Variants in FAM53A observed in about 807,000 individuals in gnomAD.
FAM53A encodes protein FAM53A.
FAM53A carries 28 observed loss-of-function variants against 26.6 expected under a neutral mutation model. The observed-to-expected ratio is 1.05, with a 90% CI of 0.78 to 1.45. FAM53A has a LOEUF of 1.45. Among genes scored for constraint, FAM53A ranks in the 40% most tolerant of loss-of-function variants. The pLI, the probability that FAM53A is intolerant of heterozygous loss-of-function variation, is 0.00. For missense variants in FAM53A, 650 were observed against 575.8 expected, an observed-to-expected ratio of 1.13 and a Z score of -1.32; for synonymous variants, 290 against 253.1, an observed-to-expected ratio of 1.15 and a Z score of -1.38.
chr4:1,616,062 G>A (rs1469480668), downstream of FAM53A, among the ~76,000 whole-genome samples: 1 of 152,218 alleles, frequency 6.6e-6, no homozygotes, highest in Non-Finnish European at 1.5e-5. Flanking sequence ...AGGAAGGAAG[G>A]ATGGGGGATG....
rs111258527 is a variant in FAM53A at position 1,675,473 on chromosome 4, G to A, written c.-164-6568C>T. Among the ~76,000 whole-genome samples, 638 of 152,234 alleles carry A rather than the reference G, an allele frequency of 4.2e-3. 3 individuals carry two copies. Among genetic ancestry groups the A allele is most frequent in the African/African-American group, 0.015 (610 of 41,532 alleles). Reference sequence around the variant, plus strand: ...GCTCACTTCAGAGGACGGCTACAACGAACTCACTTCCACTTTTCTGGCATT... The same window carrying A: ...GCTCACTTCAGAGGACGGCTACAACAAACTCACTTCCACTTTTCTGGCATT... On this transcript the variant is annotated intron_variant, in intron 1 of 4. Transcript: ENST00000308132.
At chr4:1,605,903 CGTT>C in the FAM53A span, among the ~76,000 whole-genome samples, 1 of 152,196 alleles carries the variant, frequency 6.6e-6, no homozygotes, top group African/African-American at 2.4e-5. The surrounding 1 kb of genome is among the most constrained non-coding windows in gnomAD (Gnocchi z 5.7). Context: ...GGGGGACCCT[CGTT>C]GTCCCGTTCC....
intron 1 of FAM53A, among the ~76,000 whole-genome samples, chr4:1,621,341 T>C (rs1328852657): frequency 1.3e-5 from 2 of 152,134 alleles, no homozygotes; most frequent in Non-Finnish European, 2.9e-5. Context: ...CCTGACCTCG[T>C]GATCCACCCG....
Position 1,657,416 on chromosome 4 carries a change from T to C in FAM53A, c.128A>G (p.Glu43Gly). ...LNKSGRLFPL[E>G]LNDQSPWKVF... is the part of the protein sequence containing the mutation. ...GCTCCTAAAGTGCTCACCGTTGAGCTCCAAAGGGAACAGACGACCGCTCTT... is the reference window on the plus strand; with the variant it reads ...GCTCCTAAAGTGCTCACCGTTGAGCCCCAAAGGGAACAGACGACCGCTCTT... The change falls in exon 3 of 5, where the codon GAG (glutamate) becomes GGG (glycine). Residue 43 changes from glutamate (E) to glycine (G), a missense_variant. Coordinates refer to ENST00000308132, the MANE Select transcript of FAM53A (RefSeq NM_001174070.3). 1 of 1,613,550 alleles carries C rather than the reference T, an allele frequency of 6.2e-7. No homozygotes were observed. The highest frequency in any genetic ancestry group is 1.3e-5 in the African/African-American group (1 of 75,036).
intron 3 of FAM53A, among the ~76,000 whole-genome samples, chr4:1,656,065 C>T (rs544935786): frequency 9.2e-5 from 14 of 152,350 alleles, no homozygotes; most frequent in Non-Finnish European, 1.6e-4. Context: ...TGCCCCTCTC[C>T]CTCTGTGACC....
chr4:1,578,298 A>G, the FAM53A span, among the ~76,000 whole-genome samples: 2 of 152,244 alleles, frequency 1.3e-5, no homozygotes, highest in Admixed American at 6.5e-5. Context: ...ATAATTAAGC[A>G]GCCACTGCAC....
At chr4:1,632,243 T>A (rs1350004465) in intron 1 of FAM53A, among the ~76,000 whole-genome samples, 2 of 148,036 alleles carry the variant, frequency 1.4e-5, no homozygotes, top group Non-Finnish European at 3.0e-5. Context: ...GTCACACGAG[T>A]CGGTCCTAAT....
At chr4:1,631,305 G>C (rs1048606434) in intron 1 of FAM53A, among the ~76,000 whole-genome samples, 1 of 152,220 alleles carries the variant, frequency 6.6e-6, no homozygotes, top group Non-Finnish European at 1.5e-5. Flanking sequence ...GCCTGCTGTG[G>C]GCAGCAAAGG....
chr4:1,575,975 C>A, the FAM53A span, among the ~76,000 whole-genome samples: 35 of 152,336 alleles, frequency 2.3e-4, 1 homozygote, highest in African/African-American at 7.7e-4. Flanking sequence ...ATTCCACACC[C>A]CCCACCTGCC....
At chr4:1,595,285 T>C in the FAM53A span, among the ~76,000 whole-genome samples, 59,974 of 151,926 alleles carry the variant, frequency 0.39, 12,292 homozygotes, top group East Asian at 0.63. Context: ...CCCCACCGGC[T>C]CCTCTTTGTA....
rs369122428 is a variant in FAM53A at position 1,668,732 on chromosome 4, G to C, written c.10C>G (p.Leu4Val). The C allele has an allele frequency of 2.4e-5, 38 of 1,614,196 alleles. 1 individual carries two copies. In the East Asian group the frequency reaches 4.0e-4, roughly 17 times the overall value. Residue 4 changes from leucine (L) to valine (V), a missense_variant, in exon 2 of 5, where the codon CTC (leucine) becomes GTC (valine). Transcript: ENST00000308132. Reference protein sequence around the residue: MVTLITEKLQSQSL... With the variant: MVTVITEKLQSQSL... ...TGGCTCTGCAGCTTCTCAGTGATGA[G>C]TGTGACCATGGTCGGGGCCCCGTGT...
the FAM53A span, among the ~76,000 whole-genome samples, chr4:1,578,023 G>A: frequency 6.6e-6 from 1 of 152,124 alleles, no homozygotes; most frequent in African/African-American, 2.4e-5. Context: ...GCAGGCCGGG[G>A]TGAGCAGCCA....
chr4:1,640,955 G>A lies in FAM53A; in HGVS notation c.*338C>T, dbSNP rs1413277854. ...GTCTGTGCCCCAGGGCAGTGCAGGCGGCAGCCGTGGCCCCGACCAGCTCAC... is the reference window on the plus strand; with the variant it reads ...GTCTGTGCCCCAGGGCAGTGCAGGCAGCAGCCGTGGCCCCGACCAGCTCAC... On this transcript the variant is annotated 3_prime_UTR_variant, in exon 5 of 5. Coordinates refer to ENST00000308132, the MANE Select transcript of FAM53A (RefSeq NM_001174070.3). The A allele has an allele frequency of 1.2e-5, 5 of 407,898 alleles. No homozygotes were observed. Among genetic ancestry groups the A allele is most frequent in the Middle Eastern group, 7.9e-4 (1 of 1,260 alleles). The allele number at this position is 407,898 out of a possible 1,614,324, so 25.3% of individuals were successfully genotyped here. A position where few individuals can be genotyped will look rare whatever the true frequency, so the allele number is the denominator to read the frequency against.
chr4:1,644,157 A>G (rs9994288), intron 4 of FAM53A: 386,096 of 1,530,362 alleles, frequency 0.25, 51,516 homozygotes, highest in Middle Eastern at 0.32. Flanking sequence ...GCTGCACTAC[A>G]CACGCACCGG....
At chr4:1,611,163 G>A in the FAM53A span, among the ~76,000 whole-genome samples, 1 of 152,220 alleles carries the variant, frequency 6.6e-6, no homozygotes, top group African/African-American at 2.4e-5. Flanking sequence ...AGGAAGCAGG[G>A]GCGCAGTGGG....
chr4:1,663,977 G>C (rs551225324), intron 2 of FAM53A, among the ~76,000 whole-genome samples: 4 of 152,224 alleles, frequency 2.6e-5, no homozygotes, highest in African/African-American at 9.6e-5. Context: ...GGGAGCGCAC[G>C]AGGCGGCAGC....
rs1491525835 is a variant in FAM53A, at chr4:1,680,344, AAC to A, written c.-165+3887_-165+3888del. ...CAAAAAAAAAAAAAAAAAAAAAAAA[AAC>A]ACACCACTACACACAAGGTACCACT... On this transcript the variant is annotated intron_variant, in intron 1 of 4. Transcript: ENST00000308132. Among the ~76,000 whole-genome samples the A allele has an allele frequency of 1.5e-3, 225 of 150,310 alleles. 4 individuals carry two copies. Among genetic ancestry groups the A allele is most frequent in the African/African-American group, 4.6e-3 (185 of 40,388 alleles).
intron 1 of FAM53A, among the ~76,000 whole-genome samples, chr4:1,621,101 C>CTTTTTTTTTTTTTTTTTTTTTT: frequency 1.0e-5 from 1 of 95,488 alleles, no homozygotes; most frequent in Non-Finnish European, 2.0e-5. Flanking sequence ...AGCTACGCTA[C>CTTTTTTTTTTTTTTTTTTTTTT]TTTTTTTTTT....
At chr4:1,644,529 T>C in intron 4 of FAM53A, 1 of 765,844 alleles carries the variant, frequency 1.3e-6, no homozygotes, top group Non-Finnish European at 2.0e-6. Context: ...ACGGGGCCGA[T>C]GCTGGCCTGG....
Sources: gnomAD v4.1 joint callset for allele counts (sites outside exome capture counted in the v4.1 genomes callset) on GRCh38, gnomAD v4.1.1 for gene constraint, Gnocchi (gnomAD v3.1) non-coding constraint, MANE v1.5 for transcripts, NCBI Gene and HGNC (gene_info 2026-07-23, HGNC 2026-07-21) for gene names.